The following CLASP2 variants were observed in gnomAD, a reference collection of about 807,000 sequenced individuals.
The protein encoded by CLASP2 is cytoplasmic linker associated protein 2, also known as CLIP-associating protein 2.
In CLASP2, 47 loss-of-function variants were observed where a neutral mutation model predicts 194.4. The observed-to-expected ratio is 0.24, with a 90% confidence interval of 0.19 to 0.31. The LOEUF is 0.31. Among genes scored for constraint, CLASP2 ranks in the 10% least tolerant of loss-of-function variants. The pLI is 1.00. For synonymous variants in CLASP2, 619 were observed against 633.5 expected, an observed-to-expected ratio of 0.98 and a Z score of 0.34; for missense variants, 1,445 against 1,823.6, an observed-to-expected ratio of 0.79 and a Z score of 3.78.
chr3:33,667,015 A>G (rs1030901333), intron 6 of CLASP2, among the ~76,000 whole-genome samples: 14 of 152,170 alleles, frequency 9.2e-5, no homozygotes, highest in Non-Finnish European at 1.9e-4. Context: ...TTCTTTTTGA[A>G]GAAATTCAAA....
At chr3:33,638,584 G>A (rs2080669239) in intron 8 of CLASP2, among the ~76,000 whole-genome samples, 1 of 152,146 alleles carries the variant, frequency 6.6e-6, no homozygotes, top group Non-Finnish European at 1.5e-5. Context: ...GGGATTACAG[G>A]CATGAGCCAC....
intron 2 of CLASP2, among the ~76,000 whole-genome samples, chr3:33,694,359 A>G (rs887134662): frequency 4.5e-4 from 69 of 152,352 alleles, no homozygotes; most frequent in African/African-American, 1.6e-3. Flanking sequence ...TAGTCAGTAC[A>G]TAAAACCCCA....
At position 33,627,037 on chromosome 3, in the gene CLASP2, C is replaced by T. The variant is rs2078175000; in HGVS notation, c.986G>A (p.Arg329Lys). Residue 329 changes from arginine to lysine, a missense_variant, in exon 10 of 39, where the codon AGG becomes AAG. Physicochemically the swap from Arg to Lys is conservative, Grantham distance 26. Around this residue, in one of 4 missense-constraint regions of CLASP2, gnomAD observed 207 missense variants for 331.4 expected, o/e 0.62. Coordinates refer to ENST00000682230, the MANE Select transcript of CLASP2 (RefSeq NM_001365631.1). Reference protein sequence around the residue: ...RELEETLNKIREILSDDKHDW... With the variant: ...RELEETLNKIKEILSDDKHDW... ...ATGTTTATCATCTGACAAAATTTCCCTGATTTTATTTAATGTTTCTTCGAG... is the reference window on the plus strand; with the variant it reads ...ATGTTTATCATCTGACAAAATTTCCTTGATTTTATTTAATGTTTCTTCGAG... 1 of 1,595,570 alleles carries T rather than the reference C, an allele frequency of 6.3e-7. No homozygotes were observed. The highest frequency in any genetic ancestry group is 1.3e-5 in the African/African-American group (1 of 74,672).
rs561205116 is a variant in CLASP2, at chr3:33,705,973, C to T, written c.196-9040G>A. On this transcript the variant is annotated intron_variant, in intron 1 of 38. Transcript: ENST00000682230. ...AAATGTTTATAAAAAACAATGATGG[C>T]TGGGTGCGGTGGCTCATGCCTGTAA... Among the ~76,000 whole-genome samples, 33 of 152,110 alleles carry T rather than the reference C, an allele frequency of 2.2e-4. 1 individual carries two copies. The highest frequency in any genetic ancestry group is 1.0e-4 in the Non-Finnish European group (7 of 68,016).
chr3:33,585,937 T>C (rs1333463676), intron 21 of CLASP2, among the ~76,000 whole-genome samples: 1 of 152,194 alleles, frequency 6.6e-6, no homozygotes, highest in Non-Finnish European at 1.5e-5. Context: ...TGTCTTACTA[T>C]TAGACGTATT....
intron 30 of CLASP2, among the ~76,000 whole-genome samples, chr3:33,550,169 T>C (rs1323517018): frequency 2.0e-5 from 3 of 151,890 alleles, no homozygotes; most frequent in Admixed American, 2.0e-4. Flanking sequence ...TTTGGGAGGC[T>C]AAGGTGGGCA....
rs112988342 is a variant in CLASP2 at position 33,601,097 on chromosome 3, T to C, written c.1924+1855A>G. On this transcript the variant is annotated intron_variant, in intron 18 of 38. Transcript: ENST00000682230. ...CCTCAGCCTCCCGAGTAGCTGGGAC[T>C]ACAGGCGCTCGCCACCACGCCCGGC... Among the ~76,000 whole-genome samples, 1,307 of 151,940 alleles carry C rather than the reference T, an allele frequency of 8.6e-3. 20 individuals are homozygous for C. The highest frequency in any genetic ancestry group is 0.03 in the African/African-American group (1,255 of 41,430).
In CLASP2 at chr3:33,713,680, C is replaced by CT. The variant is rs747860093; in HGVS notation, c.195+4127dup. 2.5e-3 allele frequency among the ~76,000 whole-genome samples: 373 copies of CT among 147,174 alleles called. 2 individuals are homozygous for CT. Among genetic ancestry groups the CT allele is most frequent in the Middle Eastern group, 0.011 (3 of 282 alleles). On this transcript the variant is annotated intron_variant, in intron 1 of 38. Coordinates refer to ENST00000682230, the MANE Select transcript of CLASP2 (RefSeq NM_001365631.1). ...CGCTACATAGTTATAAATGTTTTCA[C>CT]TTTTTTTTTTTTCTCTCCCCTGAGA...
At chr3:33,604,316 TTTTC>T (rs2073166837) in intron 16 of CLASP2, 107 bp from the exon 17 acceptor site, 1 of 774,756 alleles carries the variant, frequency 1.3e-6, no homozygotes, top group African/African-American at 1.8e-5. Context: ...AGTATTTCTT[TTTTC>T]TTTTTTTTTT....
At chr3:33,645,393 C>T (rs908856132) in intron 7 of CLASP2, 1 of 755,546 alleles carries the variant, frequency 1.3e-6, no homozygotes, top group Admixed American at 1.8e-5. Flanking sequence ...AAATTCGATA[C>T]TAATCAAAGA....
intron 6 of CLASP2, among the ~76,000 whole-genome samples, chr3:33,669,919 A>C (rs1006899698): frequency 1.3e-5 from 2 of 152,198 alleles, no homozygotes; most frequent in South Asian, 4.1e-4. Flanking sequence ...ATATACAAGA[A>C]AGTTATTAGC....
chr3:33,500,742 T>A (rs2046663157), intron 38 of CLASP2, among the ~76,000 whole-genome samples: 1 of 135,808 alleles, frequency 7.4e-6, no homozygotes, highest in Non-Finnish European at 1.6e-5. Flanking sequence ...TATATTCTGC[T>A]TTTTTGCTAT....
rs1368750863 is a variant in CLASP2 at position 33,674,472 on chromosome 3, G to A, written c.644+9887C>T. On this transcript the variant is annotated intron_variant, in intron 6 of 38. Transcript: ENST00000682230. Reference sequence around the variant, plus strand: ...TGTAGAGGGAAATATAAATGCCCACGAGAGAAAGCAGGAAAGATCCAAAAT... The same window carrying A: ...TGTAGAGGGAAATATAAATGCCCACAAGAGAAAGCAGGAAAGATCCAAAAT... Among the ~76,000 whole-genome samples, 17 of 150,092 alleles carry A rather than the reference G, an allele frequency of 1.1e-4. 1 individual carries two copies. The South Asian group carries it at 1.9e-3, about 17-fold the overall frequency.
intron 20 of CLASP2, among the ~76,000 whole-genome samples, chr3:33,593,467 T>C (rs1576918435): frequency 2.0e-5 from 3 of 152,092 alleles, no homozygotes; most frequent in Non-Finnish European, 4.4e-5. Context: ...GGAAAAAACA[T>C]ACTAAATAAT....
rs533485008 is a variant in CLASP2, at chr3:33,669,073, C to G, written c.645-5558G>C. Among the ~76,000 whole-genome samples, 5 of 152,162 alleles carry G rather than the reference C, an allele frequency of 3.3e-5. No homozygotes were observed. In the South Asian group the frequency reaches 1.0e-3, roughly 32 times the overall value. ...AACATTACTAACAAAAGATATAAATCAAGAAGAAAGGAAAATTATAGGTCA... is the reference window on the plus strand; with the variant it reads ...AACATTACTAACAAAAGATATAAATGAAGAAGAAAGGAAAATTATAGGTCA... On this transcript the variant is annotated intron_variant, in intron 6 of 38. Coordinates refer to ENST00000682230, the MANE Select transcript of CLASP2 (RefSeq NM_001365631.1).
intron 38 of CLASP2, 122 bp from the exon 39 acceptor site, chr3:33,498,839 A>G (rs1161843733): frequency 2.2e-6 from 1 of 452,404 alleles, no homozygotes; most frequent in East Asian, 3.4e-5. Flanking sequence ...GGGGGTTATT[A>G]TAATGCCCAA....
Position 33,717,861 on chromosome 3 carries a change from G to C in CLASP2, c.142C>G (p.Leu48Val), listed in dbSNP as rs377245587. The C allele has an allele frequency of 1.7e-5, 27 of 1,564,914 alleles. No individual in the cohort carries two copies. The highest frequency in any genetic ancestry group is 3.3e-4 in the Middle Eastern group (2 of 6,028). Residue 48 changes from leucine (L) to valine (V), a missense_variant, in exon 1 of 39, where the codon CTA (leucine) becomes GTA (valine). Physicochemically the swap from Leu to Val is conservative, Grantham distance 32 (BLOSUM62 1). Transcript: ENST00000682230. Reference sequence around the variant, plus strand: ...GTGAGCGCGTCGACTGTCTTGCCTAGGCGGCCCAGGTCCTCCTCCAGGTCC... The same window carrying C: ...GTGAGCGCGTCGACTGTCTTGCCTACGCGGCCCAGGTCCTCCTCCAGGTCC... ...ISDLEEDLGR[L>V]GKTVDALTGW... is the part of the protein sequence containing the mutation.
intron 23 of CLASP2, among the ~76,000 whole-genome samples, chr3:33,580,510 C>T (rs2065818602): frequency 6.6e-6 from 1 of 151,870 alleles, no homozygotes; most frequent in Non-Finnish European, 1.5e-5. Flanking sequence ...TTGCAGTGAG[C>T]CAAGATCGTG....
intron 16 of CLASP2, among the ~76,000 whole-genome samples, chr3:33,605,055 G>C (rs561448773): frequency 6.6e-6 from 1 of 152,280 alleles, no homozygotes; most frequent in African/African-American, 2.4e-5. Context: ...AAGGTTCACA[G>C]AATCTAAAGT....
Sources: allele counts gnomAD v4.1 joint callset (sites outside exome capture counted in the v4.1 genomes callset), GRCh38; gene constraint gnomAD v4.1.1; regional missense constraint gnomAD v4.1.1; transcripts MANE v1.5; gene names NCBI Gene and HGNC (gene_info 2026-07-23, HGNC 2026-07-21).